The following RAD18 variants were observed in gnomAD, a reference collection of about 807,000 sequenced individuals.
RAD18 encodes the protein E3 ubiquitin-protein ligase RAD18.
A neutral mutation model predicts 60.4 loss-of-function variants in RAD18; 47 were observed. That is an observed-to-expected ratio of 0.78 (90% CI 0.62 to 0.99). The LOEUF (loss-of-function observed/expected upper bound fraction) is 0.99, where lower values mean the gene tolerates loss of function less well. Among genes scored for constraint, RAD18 ranks in the 50% least tolerant of loss-of-function variants. The pLI is 0.00. For missense variants in RAD18, 640 were observed against 593.3 expected (o/e 1.08, Z -0.82); for synonymous variants, 225 against 195.5 (o/e 1.15, Z -1.26).
intron 2 of RAD18, among the ~76,000 whole-genome samples, chr3:8,952,004 C>A (rs1041912450): frequency 5.3e-5 from 8 of 152,182 alleles, no homozygotes; most frequent in Non-Finnish European, 7.3e-5. Context: ...CACTAGGGCT[C>A]CACTGTCAGG....
At chr3:8,946,521 A>C (rs1015594327) in intron 4 of RAD18, among the ~76,000 whole-genome samples, 2 of 152,256 alleles carry the variant, frequency 1.3e-5, no homozygotes, top group African/African-American at 4.8e-5. Context: ...TTGCATGATT[A>C]AAACTAAAAG....
chr3:8,917,551 C>A (rs573139310), intron 7 of RAD18, among the ~76,000 whole-genome samples: 1 of 151,958 alleles, frequency 6.6e-6, no homozygotes, highest in East Asian at 1.9e-4. Context: ...AAGTTTCTTA[C>A]AAGTGAGGCT....
At chr3:8,883,628 T>C (rs1939509757) in intron 12 of RAD18, among the ~76,000 whole-genome samples, 1 of 152,128 alleles carries the variant, frequency 6.6e-6, no homozygotes, top group African/African-American at 2.4e-5. Context: ...TACTTCCTGC[T>C]TGCACACAGC....
rs1447118459 is a variant in RAD18, at chr3:8,935,852, C to T, written c.889+19G>A. The T allele has an allele frequency of 6.6e-7, 1 of 1,521,056 alleles. No individual in the cohort carries two copies. Among genetic ancestry groups the T allele is most frequent in the African/African-American group, 1.4e-5 (1 of 70,860 alleles). The allele number at this position is 1,521,056 out of a possible 1,614,324, so 94.2% of individuals were successfully genotyped here. A position where few individuals can be genotyped will look rare whatever the true frequency, so the allele number is the denominator to read the frequency against. ...CTTTATCCAGAAAGTAAGCATAACT[C>T]ACTGTTTTATTACTTTACCTGATTT... is the stretch of plus-strand genomic sequence containing the variant. On this transcript the variant is annotated intron_variant, in intron 7 of 12. Coordinates refer to ENST00000264926, the MANE Select transcript of RAD18 (RefSeq NM_020165.4).
At chr3:8,929,205 A>G (rs1940503913) in intron 7 of RAD18, among the ~76,000 whole-genome samples, 1 of 152,132 alleles carries the variant, frequency 6.6e-6, no homozygotes, top group Non-Finnish European at 1.5e-5. Flanking sequence ...ACCTAAAGTA[A>G]GTAGAAAGAA....
intron 7 of RAD18, 129 bp downstream of exon 7, chr3:8,935,742 A>G (rs1940637727): frequency 1.2e-6 from 1 of 853,412 alleles, no homozygotes; most frequent in African/African-American, 1.8e-5. Context: ...TTTTGAAGGA[A>G]CACATTTGCA....
intron 11 of RAD18, among the ~76,000 whole-genome samples, chr3:8,891,859 C>T (rs1939697375): frequency 6.6e-6 from 1 of 152,220 alleles, no homozygotes; most frequent in African/African-American, 2.4e-5. Context: ...AAATACCAGA[C>T]AGAACTGCTC....
intron 2 of RAD18, among the ~76,000 whole-genome samples, chr3:8,952,330 C>A (rs1163139024): frequency 6.6e-6 from 1 of 152,182 alleles, no homozygotes. Context: ...CAGACTCATT[C>A]TCTTAATTAT....
At chr3:8,928,205 T>A (rs1478024240) in intron 7 of RAD18, among the ~76,000 whole-genome samples, 2 of 151,474 alleles carry the variant, frequency 1.3e-5, no homozygotes, top group Non-Finnish European at 2.9e-5. Flanking sequence ...GTATAGCTCG[T>A]AAAATGAAGA....
At chr3:8,881,607 A>G (rs1183786392) in intron 12 of RAD18, 148 bp from the exon 13 acceptor site, 3 of 628,796 alleles carry the variant, frequency 4.8e-6, no homozygotes, top group Non-Finnish European at 8.1e-6. Context: ...TGTTATTATT[A>G]GTATTTCCAC....
At chr3:8,917,688 C>G (rs1395201619) in intron 7 of RAD18, among the ~76,000 whole-genome samples, 1 of 103,344 alleles carries the variant, frequency 9.7e-6, no homozygotes, top group Non-Finnish European at 2.6e-5. Flanking sequence ...AATAAAAATG[C>G]TCAATCCAAA....
At chr3:8,963,306 G>A in intron 1 of RAD18, 29 bp downstream of exon 1, 2 of 1,592,582 alleles carry the variant, frequency 1.3e-6, no homozygotes, top group African/African-American at 1.4e-5. Context: ...CAGACACCCG[G>A]GAGCTCCCAA....
rs547868657 is a variant in RAD18 at position 8,903,094 on chromosome 3, C to A, written c.1028-574G>T. ...GCTCAAGAACAGCATCCTTAGGAAT[C>A]ACTTGCAATAAATTTAAAAGCTGCC... On this transcript the variant is annotated intron_variant, in intron 9 of 12. Transcript: ENST00000264926. Among the ~76,000 whole-genome samples, 6 of 151,780 alleles carry A rather than the reference C, an allele frequency of 4.0e-5. No individual in the cohort carries two copies. The East Asian group carries it at 1.2e-3, about 29-fold the overall frequency.
At chr3:8,954,455 G>C (rs772851824) in intron 2 of RAD18, among the ~76,000 whole-genome samples, 1 of 152,164 alleles carries the variant, frequency 6.6e-6, no homozygotes, top group Non-Finnish European at 1.5e-5. Context: ...CAAGTGCAAA[G>C]AAAATTGGCA....
chr3:8,953,182 G>C (rs1405722493), intron 2 of RAD18, among the ~76,000 whole-genome samples: 2 of 150,142 alleles, frequency 1.3e-5, no homozygotes, highest in African/African-American at 2.4e-5. Flanking sequence ...ACTATGTATA[G>C]TTATATAATG....
At chr3:8,896,002 A>G (rs931165026) in intron 11 of RAD18, among the ~76,000 whole-genome samples, 5 of 152,156 alleles carry the variant, frequency 3.3e-5, no homozygotes, top group Non-Finnish European at 7.4e-5. Flanking sequence ...CTATAGCCAT[A>G]TCTGTTCCCT....
intron 10 of RAD18, 138 bp from the exon 11 acceptor site, chr3:8,899,185 G>C: frequency 1.7e-6 from 1 of 575,170 alleles, no homozygotes; most frequent in Non-Finnish European, 2.8e-6. Flanking sequence ...TCTAGTGACA[G>C]CCAGAGAGCA....
intron 7 of RAD18, among the ~76,000 whole-genome samples, chr3:8,922,037 A>G (rs1299530123): frequency 6.6e-6 from 1 of 152,214 alleles, no homozygotes; most frequent in Non-Finnish European, 1.5e-5. Context: ...TGATTTCTGC[A>G]TTTCCAACTG....
chr3:8,962,370 T>A (rs1159866824), intron 1 of RAD18, among the ~76,000 whole-genome samples: 1 of 152,190 alleles, frequency 6.6e-6, no homozygotes, highest in Non-Finnish European at 1.5e-5. Context: ...CAATGTCAGC[T>A]TCTCATCATG....
Sources: gnomAD v4.1 joint callset for allele counts (sites outside exome capture counted in the v4.1 genomes callset) on GRCh38, gnomAD v4.1.1 for gene constraint, MANE v1.5 for transcripts, NCBI Gene and HGNC (gene_info 2026-07-23, HGNC 2026-07-21) for gene names.